CEP63: variants seen among roughly 807,000 people sequenced by gnomAD.
The protein encoded by CEP63 is centrosomal protein 63, also known as centrosomal protein of 63 kDa.
In CEP63, 84 loss-of-function variants were observed where a neutral mutation model predicts 89.1. The observed-to-expected ratio is 0.94, with a 90% CI of 0.79 to 1.13. The LOEUF (loss-of-function observed/expected upper bound fraction) is 1.13, where lower values mean the gene tolerates loss of function less well. CEP63 is among the 50% of genes most tolerant of loss of function. The pLI, the probability that CEP63 is intolerant of heterozygous loss-of-function variation, is 0.00. For missense variants in CEP63, 838 were observed against 813.3 expected (o/e 1.03, Z -0.37); for synonymous variants, 267 against 272.5 (o/e 0.98, Z 0.20).
chr3:134,692,805 C>T, the CEP63 span, among the ~76,000 whole-genome samples: 1 of 152,200 alleles, frequency 6.6e-6, no homozygotes, highest in African/African-American at 2.4e-5. Context: ...CACTGACAGT[C>T]CTATGTCCTT....
At chr3:134,601,949 C>A in the CEP63 span, among the ~76,000 whole-genome samples, 1 of 152,066 alleles carries the variant, frequency 6.6e-6, no homozygotes, top group Non-Finnish European at 1.5e-5. Flanking sequence ...GCCGGGCCCC[C>A]TTGGTTCACC....
At chr3:134,546,559 G>GT (rs1247835495) in intron 8 of CEP63, among the ~76,000 whole-genome samples, 3 of 152,028 alleles carry the variant, frequency 2.0e-5, no homozygotes, top group Non-Finnish European at 4.4e-5. Flanking sequence ...CATTCATCAT[G>GT]TTGGCTAGGC....
At chr3:134,621,221 G>C in the CEP63 span, among the ~76,000 whole-genome samples, 1 of 152,150 alleles carries the variant, frequency 6.6e-6, no homozygotes, top group Non-Finnish European at 1.5e-5. Flanking sequence ...GGAAAAGTCA[G>C]TTCTCAAATT....
chr3:134,749,705 CAAAAAAAAAAAAAA>C, the CEP63 span, among the ~76,000 whole-genome samples: 4 of 49,408 alleles, frequency 8.1e-5, no homozygotes, highest in East Asian at 7.2e-4. Flanking sequence ...AGGGGTTGTT[CAAAAAAAAAAAAAA>C]AAAAAAAAAA....
At chr3:134,658,976 G>T in the CEP63 span, among the ~76,000 whole-genome samples, 1 of 152,144 alleles carries the variant, frequency 6.6e-6, no homozygotes, top group African/African-American at 2.4e-5. Context: ...CACCTTAATT[G>T]ATTTTCCATA....
At chr3:134,603,541 C>T in the CEP63 span, 1 of 1,536,142 alleles carries the variant, frequency 6.5e-7, no homozygotes, top group Non-Finnish European at 8.8e-7. Context: ...GGAGGTCTGG[C>T]CTTGGCCCTT....
chr3:134,513,479 A>T (rs1945473529), intron 3 of CEP63, among the ~76,000 whole-genome samples: 1 of 152,222 alleles, frequency 6.6e-6, no homozygotes, highest in African/African-American at 2.4e-5. Context: ...AGTTAGATTT[A>T]AAAAAAATTT....
chr3:134,726,958 T>C, the CEP63 span, among the ~76,000 whole-genome samples: 1 of 151,898 alleles, frequency 6.6e-6, no homozygotes, highest in African/African-American at 2.4e-5. Flanking sequence ...TTAAAAAATA[T>C]CTTGCAGACA....
At chr3:134,767,495 A>T in the CEP63 span, among the ~76,000 whole-genome samples, 1 of 152,344 alleles carries the variant, frequency 6.6e-6, no homozygotes, top group African/African-American at 2.4e-5. Context: ...TTTTATGGGC[A>T]TGTGACCTGG....
the CEP63 span, among the ~76,000 whole-genome samples, chr3:134,621,333 C>A: frequency 6.6e-6 from 1 of 152,084 alleles, no homozygotes; most frequent in Non-Finnish European, 1.5e-5. Context: ...TGTAGAACTA[C>A]AGTAATCAAA....
the CEP63 span, among the ~76,000 whole-genome samples, chr3:134,734,261 GGTACATTT>G: frequency 6.6e-6 from 1 of 152,098 alleles, no homozygotes; most frequent in South Asian, 2.1e-4. Context: ...AACATACTGT[GGTACATTT>G]GTACCTCTTT....
Position 134,583,863 on chromosome 3 carries a change from A to T in CEP63, c.1207-3595A>T, listed in dbSNP as rs999924401. Among the ~76,000 whole-genome samples the T allele has an allele frequency of 2.3e-3, 347 of 152,098 alleles. 4 individuals are homozygous for T. The highest frequency in any genetic ancestry group is 1.6e-3 in the Non-Finnish European group (110 of 67,972). On this transcript the variant is annotated intron_variant, in intron 10 of 10. Coordinates refer to the CEP63 transcript ENST00000683931. ...TGTCCTCTTTTATTTCGTTGAGCAG[A>T]GGTTTGTAGTTCTCCTTGAAGAGGT...
rs1957654347 is a variant in CEP63, at chr3:134,564,709, G to T, written c.*3174G>T. 1.0e-6 allele frequency: 1 copy of T among 985,372 alleles called. No homozygotes were observed. 61.0% of individuals were successfully genotyped at this position (985,372 alleles called of 1,614,324 possible). ...GCAGTTTTAAGTACTGTACCTATGT[G>T]CATTGCTGTTACATTCAGGAGATTT... On this transcript the variant is annotated 3_prime_UTR_variant, in exon 15 of 15. Transcript: ENST00000675561.
the CEP63 span, among the ~76,000 whole-genome samples, chr3:134,634,689 A>G: frequency 2.0e-5 from 3 of 152,330 alleles, no homozygotes; most frequent in South Asian, 4.1e-4. Context: ...GTCCACTCAT[A>G]TGGTCCTTTT....
At chr3:134,665,702 C>CACACACACAGAGAGAG in the CEP63 span, among the ~76,000 whole-genome samples, 12 of 102,384 alleles carry the variant, frequency 1.2e-4, no homozygotes, top group African/African-American at 4.4e-4. Flanking sequence ...CACACACACA[C>CACACACACAGAGAGAG]AGAGAGAGAG....
the CEP63 span, among the ~76,000 whole-genome samples, chr3:134,776,259 A>C: frequency 2.6e-5 from 4 of 152,366 alleles, no homozygotes; most frequent in South Asian, 6.2e-4. Flanking sequence ...GCTCAATAGA[A>C]ATATAATGCA....
the CEP63 span, among the ~76,000 whole-genome samples, chr3:134,696,144 A>G: frequency 0.68 from 102,848 of 152,098 alleles, 35,075 homozygotes; most frequent in East Asian, 0.75. Context: ...TGCCACCCTT[A>G]ATATATGAAA....
intron 12 of CEP63, among the ~76,000 whole-genome samples, chr3:134,556,924 C>G (rs1046514938): frequency 2.0e-5 from 3 of 152,164 alleles, no homozygotes; most frequent in Non-Finnish European, 4.4e-5. Context: ...CATCAGACAT[C>G]AAACTGGTGA....
At chr3:134,502,721 T>A (rs1942368928) in intron 2 of CEP63, among the ~76,000 whole-genome samples, 1 of 152,134 alleles carries the variant, frequency 6.6e-6, no homozygotes, top group South Asian at 2.1e-4. Flanking sequence ...TTTTGGTGAT[T>A]TAGCTAGCAG....
Sources: gnomAD v4.1 joint callset for allele counts (sites outside exome capture counted in the v4.1 genomes callset) on GRCh38, gnomAD v4.1.1 for gene constraint, MANE v1.5 for transcripts, NCBI Gene and HGNC (gene_info 2026-07-23, HGNC 2026-07-21) for gene names.